Variants in FARP1 observed in about 807,000 individuals in gnomAD.
FARP1 encodes FERM, ARHGEF and pleckstrin domain-containing protein 1.
Under a neutral mutation model 128.8 loss-of-function variants are expected in FARP1, and 52 were observed. That is an observed-to-expected ratio of 0.40 (90% CI 0.32 to 0.51). The LOEUF (loss-of-function observed/expected upper bound fraction) is 0.51. FARP1 is among the 20% of genes least tolerant of loss of function. The probability of loss-of-function intolerance (pLI) is 0.45; values close to 1 mark genes in which losing one functional copy is unlikely to be tolerated. For synonymous variants in FARP1, 580 were observed against 551.8 expected (o/e 1.05, Z -0.72); for missense variants, 1,333 against 1,367.9 (o/e 0.97, Z 0.40).
rs375359383 is a variant in FARP1 at position 98,153,435 on chromosome 13, A to G, written c.-24+9943A>G. On this transcript the variant is annotated intron_variant, in intron 1 of 26. Coordinates refer to ENST00000319562, the MANE Select transcript of FARP1 (RefSeq NM_005766.4). The stretch of plus-strand genomic sequence containing the variant: ...ATGTATAATATGTAACACATTATAT[A>G]TAAATATGTATAATATATAATACAT... 5.9e-4 allele frequency among the ~76,000 whole-genome samples: 83 copies of G among 140,136 alleles called. 10 individuals are homozygous for G. The highest frequency in any genetic ancestry group is 3.6e-3 in the Middle Eastern group (1 of 276). The allele number at this position is 140,136 out of a possible 152,430, so 91.9% of individuals were successfully genotyped here.
chr13:98,409,578 G>A (rs1891114150), intron 14 of FARP1, 53 bp downstream of exon 14: 3 of 1,455,390 alleles, frequency 2.1e-6, no homozygotes, highest in African/African-American at 1.4e-5. Context: ...ACGTGTGTTT[G>A]TGTGAATTTT....
intron 1 of FARP1, among the ~76,000 whole-genome samples, chr13:98,200,355 C>A (rs1176047115): frequency 1.3e-5 from 2 of 151,028 alleles, no homozygotes; most frequent in African/African-American, 4.9e-5. Flanking sequence ...CAGACCAGAG[C>A]CTGCATCAGA....
intron 10 of FARP1, chr13:98,390,579 T>G: frequency 2.0e-6 from 1 of 499,790 alleles, no homozygotes; most frequent in Non-Finnish European, 3.5e-6. Flanking sequence ...AGTTATCAAG[T>G]GGGCTTAGTT....
intron 1 of FARP1, among the ~76,000 whole-genome samples, chr13:98,158,702 G>A (rs1876661749): frequency 6.6e-6 from 1 of 152,222 alleles, no homozygotes; most frequent in African/African-American, 2.4e-5. Flanking sequence ...CAGGGACAGG[G>A]AACAGCTGCT....
At chr13:98,211,557 C>G (rs1301000823) in intron 1 of FARP1, among the ~76,000 whole-genome samples, 1 of 152,234 alleles carries the variant, frequency 6.6e-6, no homozygotes, top group East Asian at 1.9e-4. Context: ...CTTGAACTCT[C>G]TGGCTCTGAT....
intron 1 of FARP1, among the ~76,000 whole-genome samples, chr13:98,165,710 GTTTTTTTTTTTTTTTTTTTT>G (rs71111927): frequency 0.23 from 17,331 of 75,660 alleles, 1,507 homozygotes; most frequent in Middle Eastern, 0.52. Flanking sequence ...TCCAGAAGGG[GTTTTTTTTTTTTTTTTTTTT>G]TTTTTTTTTT....
chr13:98,310,092 T>TC (rs1555336215), intron 2 of FARP1, among the ~76,000 whole-genome samples: 12 of 151,272 alleles, frequency 7.9e-5, no homozygotes, highest in East Asian at 3.9e-4. Flanking sequence ...TTTTTTTTTT[T>TC]CCCATAATAG....
At chr13:98,146,783 G>C (rs550804080) in intron 1 of FARP1, among the ~76,000 whole-genome samples, 2 of 152,204 alleles carry the variant, frequency 1.3e-5, no homozygotes, top group Non-Finnish European at 1.5e-5. Context: ...TTAGGCTCTC[G>C]TGGCAGTCTC....
At chr13:98,271,039 G>A (rs149297119) in intron 2 of FARP1, among the ~76,000 whole-genome samples, 22 of 152,280 alleles carry the variant, frequency 1.4e-4, no homozygotes, top group Admixed American at 5.2e-4. Flanking sequence ...TCATGAAGAC[G>A]ATTATACATT....
At chr13:98,191,068 G>T (rs1049864423) in intron 1 of FARP1, among the ~76,000 whole-genome samples, 4 of 152,120 alleles carry the variant, frequency 2.6e-5, no homozygotes, top group Non-Finnish European at 5.9e-5. Context: ...ACGTGGCCAG[G>T]ACCTTTCCTC....
In FARP1 at chr13:98,385,545, G is replaced by A. The variant is rs369161112; in HGVS notation, c.612-122G>A. The A allele has an allele frequency of 1.5e-3, 1,577 of 1,060,400 alleles. 7 individuals carry two copies. The highest frequency in any genetic ancestry group is 2.1e-3 in the Non-Finnish European group (1,452 of 702,042). 65.7% of individuals were successfully genotyped at this position (1,060,400 alleles called of 1,614,324 possible). A position where few individuals can be genotyped will look rare whatever the true frequency, so the allele number is the denominator to read the frequency against. On this transcript the variant is annotated intron_variant, in intron 7 of 26. Coordinates refer to ENST00000319562, the MANE Select transcript of FARP1 (RefSeq NM_005766.4). The stretch of plus-strand genomic sequence containing the variant: ...GGGAGATTGGGTGTCATCTGATCGG[G>A]TAGCCCCAGTGTTTGTGATGAAATG...
At chr13:98,253,973 A>G (rs934677962) in intron 2 of FARP1, among the ~76,000 whole-genome samples, 3 of 152,308 alleles carry the variant, frequency 2.0e-5, no homozygotes, top group African/African-American at 7.2e-5. Flanking sequence ...TTCATAACAC[A>G]AAGTGGGGCT....
chr13:98,420,525 G>GGT (rs1178319021), intron 16 of FARP1, among the ~76,000 whole-genome samples: 1 of 152,170 alleles, frequency 6.6e-6, no homozygotes, highest in Non-Finnish European at 1.5e-5. Flanking sequence ...GACGTGTGTG[G>GGT]GTGTGTGTTG....
At chr13:98,179,206 C>T (rs1433957439) in intron 1 of FARP1, among the ~76,000 whole-genome samples, 2 of 126,522 alleles carry the variant, frequency 1.6e-5, no homozygotes, top group African/African-American at 2.6e-5. Context: ...TCTCGCATGG[C>T]AGCAGACGAG....
chr13:98,186,823 C>T (rs920652316), intron 1 of FARP1, among the ~76,000 whole-genome samples: 4 of 151,578 alleles, frequency 2.6e-5, no homozygotes, highest in Non-Finnish European at 5.9e-5. Flanking sequence ...GAAACTCCAT[C>T]TCTACTAAAA....
rs552976113 is a variant in FARP1, at chr13:98,436,482, G to A, written c.2274+776G>A. On this transcript the variant is annotated intron_variant, in intron 19 of 26. Coordinates refer to ENST00000319562, the MANE Select transcript of FARP1 (RefSeq NM_005766.4). ...TTTCAAATGCTACGTCACCCAGGTCGAGAGACAACTCACTGTAGCTGCTTT... is the reference window on the plus strand; with the variant it reads ...TTTCAAATGCTACGTCACCCAGGTCAAGAGACAACTCACTGTAGCTGCTTT... Among the ~76,000 whole-genome samples the A allele has an allele frequency of 5.3e-5, 8 of 152,286 alleles. No individual in the cohort carries two copies. In the South Asian group the frequency reaches 6.2e-4, roughly 12 times the overall value.
chr13:98,244,928 C>G, intron 2 of FARP1: 1 of 1,371,794 alleles, frequency 7.3e-7, no homozygotes, highest in Non-Finnish European at 9.4e-7. Flanking sequence ...GTTTGATCTA[C>G]TAGATTTGGT....
chr13:98,396,205 C>G (rs1199441649), intron 13 of FARP1: 4 of 399,034 alleles, frequency 1.0e-5, no homozygotes, highest in Non-Finnish European at 1.8e-5. Flanking sequence ...TGGCACACCC[C>G]CCATGGGTGC....
At chr13:98,265,343 G>T (rs1463329946) in intron 2 of FARP1, among the ~76,000 whole-genome samples, 2 of 102,110 alleles carry the variant, frequency 2.0e-5, no homozygotes, top group African/African-American at 4.8e-5. Flanking sequence ...TTTTTGAGAC[G>T]GAGTCTCGCT....
Sources: gnomAD v4.1 joint callset for allele counts (sites outside exome capture counted in the v4.1 genomes callset) on GRCh38, gnomAD v4.1.1 for gene constraint, MANE v1.5 for transcripts, NCBI Gene and HGNC (gene_info 2026-07-23, HGNC 2026-07-21) for gene names.